The following PREX1 variants were observed in gnomAD, a reference collection of about 807,000 sequenced individuals.
PREX1 encodes phosphatidylinositol 3,4,5-trisphosphate-dependent Rac exchanger 1 protein.
PREX1 carries 41 observed loss-of-function variants against 198.3 expected under a neutral mutation model. That is an observed-to-expected ratio of 0.21 (90% CI 0.16 to 0.27). PREX1 has a LOEUF of 0.27. Among genes scored for constraint, PREX1 ranks in the 10% least tolerant of loss-of-function variants. PREX1 has a pLI of 1.00. For synonymous variants in PREX1, 843 were observed against 887.2 expected, an observed-to-expected ratio of 0.95 and a Z score of 0.89; for missense variants, 1,620 against 2,200.7, an observed-to-expected ratio of 0.74 and a Z score of 5.28.
chr20:48,653,309 C>T (rs561234217), intron 20 of PREX1, 52 bp downstream of exon 20: 1 of 1,593,846 alleles, frequency 6.3e-7, no homozygotes, highest in South Asian at 1.1e-5. Flanking sequence ...CTCAGCCACC[C>T]ACCCCCACTC....
chr20:48,745,241 A>T (rs755758727), intron 2 of PREX1, 94 bp from the exon 3 acceptor site: 684 of 1,375,078 alleles, frequency 5.0e-4, no homozygotes, highest in Non-Finnish European at 6.6e-4. Context: ...TGCGGGTGAC[A>T]TTGTAGTCAA....
In PREX1 at chr20:48,659,926, C is replaced by T. The variant is rs150394441; in HGVS notation, c.1874G>A (p.Arg625His). Residue 625 changes from arginine (R) to histidine (H), a missense_variant, in exon 16 of 40, where the codon CGC (arginine) becomes CAC (histidine). Transcript: ENST00000371941. ...FKLVENILAK[R>H]LLILPQEEDY... Reference sequence around the variant, plus strand: ...GCTCAGCTGTGCTCCTACCAGCAGGCGCTTGGCCAGAATGTTCTCCACCAG... The same window carrying T: ...GCTCAGCTGTGCTCCTACCAGCAGGTGCTTGGCCAGAATGTTCTCCACCAG... The T allele has an allele frequency of 1.1e-5, 18 of 1,614,148 alleles. No individual in the cohort carries two copies. Among genetic ancestry groups the T allele is most frequent in the African/African-American group, 9.3e-5 (7 of 75,066 alleles).
intron 4 of PREX1, among the ~76,000 whole-genome samples, chr20:48,730,785 A>G (rs1312760159): frequency 6.6e-6 from 1 of 152,110 alleles, no homozygotes; most frequent in African/African-American, 2.4e-5. Context: ...GCTTTAGCCC[A>G]GGAGTTCAAC....
intron 14 of PREX1, among the ~76,000 whole-genome samples, chr20:48,670,471 G>A (rs2089668155): frequency 6.6e-6 from 1 of 152,110 alleles, no homozygotes; most frequent in African/African-American, 2.4e-5. Flanking sequence ...GCTCTCTCCT[G>A]CTCAGCCTGC....
intron 5 of PREX1, among the ~76,000 whole-genome samples, chr20:48,717,278 A>C (rs962859853): frequency 5.3e-5 from 8 of 152,224 alleles, no homozygotes; most frequent in Non-Finnish European, 7.4e-5. Context: ...AAGCAGAACA[A>C]CACCAACTTT....
At chr20:48,736,088 A>G (rs2090055924) in intron 3 of PREX1, among the ~76,000 whole-genome samples, 1 of 152,174 alleles carries the variant, frequency 6.6e-6, no homozygotes, top group Admixed American at 6.5e-5. Context: ...AACACTTAGG[A>G]TGCTGGAGGA....
intron 1 of PREX1, among the ~76,000 whole-genome samples, chr20:48,781,908 C>T (rs559749952): frequency 6.6e-6 from 1 of 152,194 alleles, no homozygotes; most frequent in Non-Finnish European, 1.5e-5. Context: ...TTGGGGGACA[C>T]ATTCAAACCA....
chr20:48,828,530 T>C (rs1255315970), upstream of PREX1, among the ~76,000 whole-genome samples: 1 of 150,070 alleles, frequency 6.7e-6, no homozygotes, highest in East Asian at 1.9e-4. Context: ...GACCGCTGCC[T>C]GGGCAGTGAC....
intron 1 of PREX1, among the ~76,000 whole-genome samples, chr20:48,806,029 C>T (rs1426059360): frequency 6.6e-6 from 1 of 152,192 alleles, no homozygotes; most frequent in Admixed American, 6.5e-5. Flanking sequence ...CCAGGTAATA[C>T]TGTGTGATAA....
intron 1 of PREX1, among the ~76,000 whole-genome samples, chr20:48,820,644 T>G (rs1199326345): frequency 3.9e-5 from 6 of 152,150 alleles, no homozygotes; most frequent in Admixed American, 3.3e-4. Context: ...TGGGGGCTAT[T>G]TTTCACACCC....
chr20:48,753,992 T>A (rs6066842), intron 1 of PREX1, among the ~76,000 whole-genome samples: 53,567 of 152,094 alleles, frequency 0.35, 10,370 homozygotes, highest in Non-Finnish European at 0.43. Context: ...AGGGCAGAAG[T>A]CAATTTCCTT....
At chr20:48,875,623 T>A in the PREX1 span, among the ~76,000 whole-genome samples, 1 of 152,100 alleles carries the variant, frequency 6.6e-6, no homozygotes, top group Non-Finnish European at 1.5e-5. Context: ...AGCTAAACAT[T>A]CAAGTTCTCA....
intron 1 of PREX1, among the ~76,000 whole-genome samples, chr20:48,807,798 T>C (rs1020920685): frequency 6.6e-6 from 1 of 152,116 alleles, no homozygotes; most frequent in African/African-American, 2.4e-5. Flanking sequence ...GAAGGTGACG[T>C]TGACTGATAG....
intron 5 of PREX1, among the ~76,000 whole-genome samples, chr20:48,717,284 A>C (rs2089966445): frequency 6.6e-6 from 1 of 152,110 alleles, no homozygotes. Context: ...AACAACACCA[A>C]CTTTCTGGGG....
chr20:48,678,289 G>A (rs182068986), intron 13 of PREX1, among the ~76,000 whole-genome samples: 390 of 150,718 alleles, frequency 2.6e-3, no homozygotes, highest in Middle Eastern at 0.024. Flanking sequence ...CAACTTGGGG[G>A]ACAGAACGAG....
the PREX1 span, among the ~76,000 whole-genome samples, chr20:48,876,946 CA>C: frequency 6.6e-6 from 1 of 152,060 alleles, no homozygotes; most frequent in African/African-American, 2.4e-5. Context: ...TAAGTATTAG[CA>C]ACTCAGCTCA....
chr20:48,710,127 C>T (rs1378474970), intron 5 of PREX1, among the ~76,000 whole-genome samples: 1 of 152,102 alleles, frequency 6.6e-6, no homozygotes, highest in Admixed American at 6.5e-5. Flanking sequence ...TGAGAAAGGC[C>T]CAGAGAGCAG....
the PREX1 span, among the ~76,000 whole-genome samples, chr20:48,866,316 C>G: frequency 6.6e-6 from 1 of 152,122 alleles, no homozygotes; most frequent in Non-Finnish European, 1.5e-5. Flanking sequence ...ATTTTCAGGC[C>G]ATTTTCCAGA....
chr20:48,639,954 T>C (rs1482199782), intron 29 of PREX1, 60 bp from the exon 30 acceptor site: 1 of 1,573,188 alleles, frequency 6.4e-7, no homozygotes, highest in Non-Finnish European at 8.7e-7. Flanking sequence ...TGGAGAACGG[T>C]GGCACAAAGG....
Sources: gnomAD v4.1 joint callset for allele counts (sites outside exome capture counted in the v4.1 genomes callset) on GRCh38, gnomAD v4.1.1 for gene constraint, MANE v1.5 for transcripts, NCBI Gene and HGNC (gene_info 2026-07-23, HGNC 2026-07-21) for gene names.